Variants in SIPA1L2 observed in about 807,000 individuals in gnomAD.
SIPA1L2 encodes the protein signal-induced proliferation-associated 1-like protein 2.
A neutral mutation model predicts 163.9 loss-of-function variants in SIPA1L2; 56 were observed. The observed-to-expected ratio is 0.34, with a 90% CI of 0.28 to 0.43. The LOEUF (loss-of-function observed/expected upper bound fraction) is 0.43, where lower values mean the gene tolerates loss of function less well. Ranked by LOEUF, SIPA1L2 falls within the 20% of genes least tolerant of loss-of-function variation. The pLI is 1.00. For synonymous variants in SIPA1L2, 877 were observed against 865.7 expected, an observed-to-expected ratio of 1.01 and a Z score of -0.23; for missense variants, 1,974 against 2,193.5, an observed-to-expected ratio of 0.90 and a Z score of 2.00.
chr1:232,630,003 G>A lies in SIPA1L2; in HGVS notation c.-453C>T, dbSNP rs1236694797. ...GACTCTCCCCGCGCCGGGCTCCGGC[G>A]GAGGCGGCCCGGACCCGCTGGCTGC... On this transcript the variant is annotated 5_prime_UTR_variant, in exon 1 of 23. Transcript: ENST00000674635. Among the ~76,000 whole-genome samples the A allele has an allele frequency of 1.3e-5, 2 of 150,158 alleles. No homozygotes were observed. Among genetic ancestry groups the A allele is most frequent in the African/African-American group, 4.9e-5 (2 of 41,162 alleles).
intron 22 of SIPA1L2, among the ~76,000 whole-genome samples, chr1:232,400,722 G>C (rs908557541): frequency 6.6e-6 from 1 of 151,868 alleles, no homozygotes. Context: ...TGATGATTTC[G>C]AATCCACTGA....
intron 3 of SIPA1L2, among the ~76,000 whole-genome samples, chr1:232,507,086 T>C (rs1376246233): frequency 6.6e-6 from 1 of 152,216 alleles, no homozygotes; most frequent in Non-Finnish European, 1.5e-5. Flanking sequence ...CCTTAGTTTT[T>C]AATGGAATGT....
At chr1:232,422,142 T>A (rs1661612569) in intron 18 of SIPA1L2, among the ~76,000 whole-genome samples, 1 of 152,204 alleles carries the variant, frequency 6.6e-6, no homozygotes, top group African/African-American at 2.4e-5. Flanking sequence ...TAAATAAATT[T>A]TCTTCTGCAA....
rs750881522 is a variant in SIPA1L2 at position 232,483,661 on chromosome 1, A to G, written c.1981+131T>C. 155 of 930,978 alleles carry G rather than the reference A, an allele frequency of 1.7e-4. 1 individual carries two copies. Among genetic ancestry groups the G allele is most frequent in the African/African-American group, 5.1e-5 (3 of 59,146 alleles). 57.7% of individuals were successfully genotyped at this position (930,978 alleles called of 1,614,324 possible). A position where few individuals can be genotyped will look rare whatever the true frequency, so the allele number is the denominator to read the frequency against. ...GTTCATCTGAGGAAATCTAAACTCT[A>G]TTCCAAATAAGCTTTCTAGGCTGCT... is the stretch of plus-strand genomic sequence containing the variant. On this transcript the variant is annotated intron_variant, in intron 6 of 22. Coordinates refer to ENST00000674635, the MANE Select transcript of SIPA1L2 (RefSeq NM_020808.5).
intron 1 of SIPA1L2, among the ~76,000 whole-genome samples, chr1:232,597,884 C>G (rs1661365538): frequency 6.6e-6 from 1 of 151,850 alleles, no homozygotes; most frequent in Non-Finnish European, 1.5e-5. Context: ...TCTGAGGCAC[C>G]CGAAAGAACA....
chr1:232,482,318 G>A (rs981751468), intron 6 of SIPA1L2, among the ~76,000 whole-genome samples: 2 of 152,072 alleles, frequency 1.3e-5, no homozygotes, highest in Admixed American at 1.3e-4. Context: ...TCACTGAAGA[G>A]AGACAACACA....
At chr1:232,583,190 A>G (rs891337386) in intron 1 of SIPA1L2, among the ~76,000 whole-genome samples, 1 of 152,228 alleles carries the variant, frequency 6.6e-6, no homozygotes, top group African/African-American at 2.4e-5. Context: ...TTTGTAAAAC[A>G]TTACAAATAA....
intron 8 of SIPA1L2, among the ~76,000 whole-genome samples, chr1:232,470,131 C>G (rs1296109883): frequency 6.6e-6 from 1 of 152,040 alleles, no homozygotes; most frequent in Non-Finnish European, 1.5e-5. Context: ...AAAAAAAGGC[C>G]AACTCACCAG....
At chr1:232,471,320 C>T (rs1373966436) in intron 8 of SIPA1L2, 51 bp downstream of exon 8, 3 of 1,547,258 alleles carry the variant, frequency 1.9e-6, no homozygotes, top group African/African-American at 1.4e-5. Context: ...GGAAAAGACG[C>T]CCTGTTGAAA....
chr1:232,546,132 GGATA>G (rs1658018352), intron 2 of SIPA1L2, among the ~76,000 whole-genome samples: 1 of 152,198 alleles, frequency 6.6e-6, no homozygotes, highest in South Asian at 2.1e-4. Context: ...AGAGTGATTT[GGATA>G]GATAAATTGT....
intron 18 of SIPA1L2, among the ~76,000 whole-genome samples, chr1:232,416,760 A>G (rs1044843062): frequency 2.0e-5 from 3 of 152,238 alleles, no homozygotes; most frequent in Non-Finnish European, 2.9e-5. Context: ...TTTCTGACTT[A>G]GTAAGGTAGT....
chr1:232,610,069 T>G (rs1161766738), intron 1 of SIPA1L2, among the ~76,000 whole-genome samples: 1 of 152,192 alleles, frequency 6.6e-6, no homozygotes, highest in Non-Finnish European at 1.5e-5. Context: ...CAAATGTAAT[T>G]CTTTAACAAT....
intron 1 of SIPA1L2, among the ~76,000 whole-genome samples, chr1:232,603,374 A>G (rs1661710431): frequency 6.6e-6 from 1 of 152,164 alleles, no homozygotes; most frequent in African/African-American, 2.4e-5. Flanking sequence ...GCAAAGTGAC[A>G]ATAAGATCAT....
intron 8 of SIPA1L2, among the ~76,000 whole-genome samples, chr1:232,466,384 G>A (rs1664513617): frequency 2.0e-5 from 3 of 152,174 alleles, no homozygotes; most frequent in Admixed American, 6.5e-5. Flanking sequence ...TGTTAATAAC[G>A]AGCATTGTAA....
At chr1:232,534,283 T>TG (rs1657170138) in intron 2 of SIPA1L2, among the ~76,000 whole-genome samples, 1 of 152,132 alleles carries the variant, frequency 6.6e-6, no homozygotes, top group African/African-American at 2.4e-5. Flanking sequence ...AACCATTCAA[T>TG]GGGGAAAGGA....
At chr1:232,435,778 G>C (rs758747825) in intron 15 of SIPA1L2, among the ~76,000 whole-genome samples, 2 of 152,186 alleles carry the variant, frequency 1.3e-5, no homozygotes, top group Non-Finnish European at 2.9e-5. Context: ...TGAACAGCAG[G>C]AGAAAGCAGG....
chr1:232,414,322 C>A (rs1332423196), intron 19 of SIPA1L2, among the ~76,000 whole-genome samples: 1 of 152,174 alleles, frequency 6.6e-6, no homozygotes. Context: ...GGCACTGATA[C>A]CAGCTGGGTA....
At chr1:232,431,059 G>A (rs1046092717) in intron 16 of SIPA1L2, among the ~76,000 whole-genome samples, 7 of 152,186 alleles carry the variant, frequency 4.6e-5, no homozygotes, top group African/African-American at 1.7e-4. Context: ...AAAACTGTCC[G>A]AATGGGCTCC....
At chr1:232,594,885 A>G (rs1203079767) in intron 1 of SIPA1L2, among the ~76,000 whole-genome samples, 1 of 152,178 alleles carries the variant, frequency 6.6e-6, no homozygotes, top group Admixed American at 6.5e-5. Context: ...ACACTGTACC[A>G]TCACCTGAAG....
Sources: gnomAD v4.1 joint callset for allele counts (sites outside exome capture counted in the v4.1 genomes callset) on GRCh38, gnomAD v4.1.1 for gene constraint, MANE v1.5 for transcripts, NCBI Gene and HGNC (gene_info 2026-07-23, HGNC 2026-07-21) for gene names.